The following ENOX1 variants were observed in gnomAD, a reference collection of about 807,000 sequenced individuals.
The protein encoded by ENOX1 is candidate growth-related and time keeping constitutive hydroquinone (NADH) oxidase.
A neutral mutation model predicts 82.5 loss-of-function variants in ENOX1; 42 were observed. The observed-to-expected ratio is 0.51, with a 90% CI of 0.40 to 0.66. The LOEUF is 0.66. ENOX1 is among the 30% of genes least tolerant of loss of function. The pLI, the probability that ENOX1 is intolerant of heterozygous loss-of-function variation, is 0.00. For synonymous variants in ENOX1, 271 were observed against 282.2 expected (o/e 0.96, Z 0.40); for missense variants, 608 against 811.6 (o/e 0.75, Z 3.05).
At chr13:43,606,812 C>A (rs1259691903) in intron 2 of ENOX1, among the ~76,000 whole-genome samples, 1 of 151,610 alleles carries the variant, frequency 6.6e-6, no homozygotes, top group African/African-American at 2.4e-5. Context: ...CACAGGAGTT[C>A]GAGACCAGCC....
chr13:43,751,114 T>C lies in ENOX1; in HGVS notation c.-285+35538A>G, dbSNP rs182392138. Among the ~76,000 whole-genome samples the C allele has an allele frequency of 4.6e-5, 7 of 152,286 alleles. No individual in the cohort carries two copies. In the East Asian group the frequency reaches 1.4e-3, roughly 29 times the overall value. ...ACATTCCTCGTAAGTCCCCAAATTA[T>C]CTGTCATGCTCCTTCTTATCTCTCA... On this transcript the variant is annotated intron_variant, in intron 1 of 16. Transcript: ENST00000690772.
intron 1 of ENOX1, among the ~76,000 whole-genome samples, chr13:43,737,936 C>T (rs894770341): frequency 6.6e-6 from 1 of 152,182 alleles, no homozygotes; most frequent in Admixed American, 6.5e-5. Flanking sequence ...ATCAGCCTTA[C>T]TGAAATAATT....
At chr13:43,773,783 T>A (rs767506097) in intron 1 of ENOX1, among the ~76,000 whole-genome samples, 64 of 152,230 alleles carry the variant, frequency 4.2e-4, no homozygotes, top group Non-Finnish European at 7.6e-4. Context: ...TCCAGTAAAC[T>A]GTAGACTCCC....
chr13:43,470,599 C>T (rs984828651), intron 3 of ENOX1, among the ~76,000 whole-genome samples: 4 of 150,828 alleles, frequency 2.7e-5, no homozygotes, highest in Admixed American at 2.0e-4. Flanking sequence ...TAATAAAATA[C>T]TTGTTTATAT....
chr13:43,276,535 C>T (rs549660340), intron 12 of ENOX1, among the ~76,000 whole-genome samples: 91 of 152,340 alleles, frequency 6.0e-4, no homozygotes, highest in African/African-American at 2.1e-3. Flanking sequence ...CCATCCACTG[C>T]TCCATCAAGT....
intron 3 of ENOX1, among the ~76,000 whole-genome samples, chr13:43,413,600 G>A (rs964985066): frequency 4.0e-5 from 6 of 151,436 alleles, no homozygotes; most frequent in African/African-American, 1.5e-4. Context: ...CAAAGGAAGA[G>A]CATTTGGTTT....
At chr13:43,662,403 C>G (rs188790544) in intron 2 of ENOX1, among the ~76,000 whole-genome samples, 23 of 152,302 alleles carry the variant, frequency 1.5e-4, no homozygotes, top group South Asian at 1.2e-3. Flanking sequence ...AGGTGCTTTT[C>G]CCTGTTATTC....
chr13:43,364,026 T>C (rs957610841), intron 5 of ENOX1, among the ~76,000 whole-genome samples: 4 of 152,110 alleles, frequency 2.6e-5, no homozygotes, highest in Admixed American at 6.6e-5. Flanking sequence ...CCTGAAAGGA[T>C]TGGAGATTCA....
At chr13:43,317,973 C>T (rs974390381) in intron 11 of ENOX1, among the ~76,000 whole-genome samples, 2 of 151,736 alleles carry the variant, frequency 1.3e-5, no homozygotes, top group African/African-American at 4.8e-5. Flanking sequence ...CCACTGCACT[C>T]CAGCCTGGGT....
chr13:43,729,007 T>A (rs2089164823), intron 1 of ENOX1, among the ~76,000 whole-genome samples: 1 of 152,214 alleles, frequency 6.6e-6, no homozygotes, highest in Non-Finnish European at 1.5e-5. Context: ...TCAGCTGTAT[T>A]CATTTGATCA....
At chr13:43,742,365 T>A (rs1949783874) in intron 1 of ENOX1, among the ~76,000 whole-genome samples, 1 of 151,886 alleles carries the variant, frequency 6.6e-6, no homozygotes, top group Non-Finnish European at 1.5e-5. Context: ...AGCATCAATG[T>A]CCAGTCAAAG....
At chr13:43,444,612 AT>A (rs1224010409) in intron 3 of ENOX1, among the ~76,000 whole-genome samples, 17 of 152,214 alleles carry the variant, frequency 1.1e-4, no homozygotes, top group South Asian at 2.1e-4. Context: ...AGAATTTCAA[AT>A]TCTTAAGTTA....
chr13:43,401,103 GC>G (rs1224796915), intron 5 of ENOX1, among the ~76,000 whole-genome samples: 2 of 152,098 alleles, frequency 1.3e-5, no homozygotes, highest in Non-Finnish European at 2.9e-5. Flanking sequence ...CATATTAGGT[GC>G]CAAATAATTA....
chr13:43,576,014 T>C (rs2080407192), intron 2 of ENOX1, among the ~76,000 whole-genome samples: 2 of 152,236 alleles, frequency 1.3e-5, no homozygotes, highest in East Asian at 3.8e-4. Context: ...TGTAGTCTAA[T>C]GAGAAACGTA....
chr13:43,284,791 T>C (rs1249421209), intron 12 of ENOX1, among the ~76,000 whole-genome samples: 1 of 143,556 alleles, frequency 7.0e-6, no homozygotes, highest in Non-Finnish European at 1.6e-5. Context: ...TGTGTGTGTG[T>C]GTGTGTGTGT....
intron 3 of ENOX1, among the ~76,000 whole-genome samples, chr13:43,432,917 G>A (rs2055771526): frequency 6.6e-6 from 1 of 151,920 alleles, no homozygotes; most frequent in Admixed American, 6.6e-5. Context: ...TCACCAAACA[G>A]CAATTAATTG....
intron 1 of ENOX1, among the ~76,000 whole-genome samples, chr13:43,695,931 A>G (rs986285456): frequency 6.6e-6 from 1 of 152,098 alleles, no homozygotes; most frequent in Non-Finnish European, 1.5e-5. Context: ...CCCCATATCC[A>G]TCAGTAGTCA....
intron 2 of ENOX1, among the ~76,000 whole-genome samples, chr13:43,537,569 A>G (rs1182521756): frequency 5.3e-5 from 8 of 152,216 alleles, no homozygotes; most frequent in Non-Finnish European, 1.5e-5. Flanking sequence ...TGACTGCGAT[A>G]ATAGCTACTT....
At chr13:43,530,131 T>C (rs925861511) in intron 2 of ENOX1, among the ~76,000 whole-genome samples, 22 of 152,112 alleles carry the variant, frequency 1.4e-4, no homozygotes, top group African/African-American at 5.3e-4. Flanking sequence ...AAACAAAGCA[T>C]CCAATGTTCA....
Sources: allele counts gnomAD v4.1 joint callset (sites outside exome capture counted in the v4.1 genomes callset), GRCh38; gene constraint gnomAD v4.1.1; transcripts MANE v1.5; gene names NCBI Gene and HGNC (gene_info 2026-07-23, HGNC 2026-07-21).